PLCE1: variants seen among roughly 807,000 people sequenced by gnomAD.
PLCE1 encodes 1-phosphatidylinositol 4,5-bisphosphate phosphodiesterase epsilon-1.
PLCE1 carries 119 observed loss-of-function variants against 242.8 expected under a neutral mutation model. That is an observed-to-expected ratio of 0.49 (90% CI 0.42 to 0.57). PLCE1 has a LOEUF of 0.57. Among genes scored for constraint, PLCE1 ranks in the 20% least tolerant of loss-of-function variants. The pLI, the probability that PLCE1 is intolerant of heterozygous loss-of-function variation, is 0.00. For synonymous variants in PLCE1, 945 were observed against 1,017.4 expected (o/e 0.93, Z 1.35); for missense variants, 2,441 against 2,788.8 (o/e 0.88, Z 2.81).
chr10:94,232,153 A>G (rs1298557431), intron 5 of PLCE1, among the ~76,000 whole-genome samples: 2 of 152,198 alleles, frequency 1.3e-5, no homozygotes, highest in Non-Finnish European at 2.9e-5. Context: ...TTGGAGGAAT[A>G]CACTAGGGCC....
At chr10:94,178,509 C>T (rs1381092815) in intron 4 of PLCE1, among the ~76,000 whole-genome samples, 9 of 152,202 alleles carry the variant, frequency 5.9e-5, no homozygotes, top group African/African-American at 2.2e-4. Flanking sequence ...TCAGTTGTTG[C>T]TTGTTCCTTC....
intron 2 of PLCE1, among the ~76,000 whole-genome samples, chr10:94,107,408 G>A (rs2045789935): frequency 6.6e-6 from 1 of 152,132 alleles, no homozygotes; most frequent in African/African-American, 2.4e-5. Context: ...AAACAGATTA[G>A]GAATGGTCTG....
intron 2 of PLCE1, among the ~76,000 whole-genome samples, chr10:94,088,398 A>G (rs1188581050): frequency 6.6e-6 from 1 of 152,232 alleles, no homozygotes; most frequent in East Asian, 1.9e-4. Flanking sequence ...CTCTCTTCCA[A>G]GCAGGTGCTG....
intron 1 of PLCE1, among the ~76,000 whole-genome samples, chr10:94,017,812 G>A (rs2061308425): frequency 1.3e-5 from 2 of 152,120 alleles, no homozygotes; most frequent in African/African-American, 4.8e-5. Flanking sequence ...TAAAATGTAG[G>A]CTAGACATCA....
intron 3 of PLCE1, among the ~76,000 whole-genome samples, chr10:94,153,608 T>G (rs903451433): frequency 6.6e-6 from 1 of 152,158 alleles, no homozygotes; most frequent in African/African-American, 2.4e-5. Flanking sequence ...ACTATTTCTA[T>G]TATCAGATGA....
intron 1 of PLCE1, among the ~76,000 whole-genome samples, chr10:94,013,674 G>T (rs553315897): frequency 1.3e-5 from 2 of 152,192 alleles, no homozygotes; most frequent in Non-Finnish European, 2.9e-5. Flanking sequence ...AGGCAAACAA[G>T]TTACTAGTGT....
Position 94,306,268 on chromosome 10 carries a change from C to A in PLCE1, c.5623-159C>A, listed in dbSNP as rs892928826. Among the ~76,000 whole-genome samples the A allele has an allele frequency of 6.6e-6, 1 of 152,220 alleles. No individual in the cohort carries two copies. Reference sequence around the variant, plus strand: ...TACAGGCATAAGCCACCGCGCCCAGCCCTACAATCACTTACTTTTTAAACA... The same window carrying A: ...TACAGGCATAAGCCACCGCGCCCAGACCTACAATCACTTACTTTTTAAACA... On this transcript the variant is annotated intron_variant, in intron 25 of 32. Coordinates refer to ENST00000371380, the MANE Select transcript of PLCE1 (RefSeq NM_016341.4). This position sits in a 1 kb window ranked among gnomAD's most constrained non-coding sequence, Gnocchi z 5.7.
chr10:94,291,826 A>C (rs1406464107), intron 22 of PLCE1, among the ~76,000 whole-genome samples: 4 of 152,088 alleles, frequency 2.6e-5, no homozygotes, highest in Non-Finnish European at 5.9e-5. Context: ...GGGGTAGATG[A>C]AGGTTCTTTG....
intron 3 of PLCE1, among the ~76,000 whole-genome samples, chr10:94,158,858 T>C (rs58815299): frequency 1.7e-4 from 25 of 143,364 alleles, no homozygotes; most frequent in African/African-American, 3.0e-4. Context: ...CTTTTTCTTT[T>C]TTTTTTTTTT....
At chr10:94,232,261 T>C (rs1278679158) in intron 5 of PLCE1, among the ~76,000 whole-genome samples, 1 of 152,332 alleles carries the variant, frequency 6.6e-6, no homozygotes, top group Admixed American at 6.5e-5. Flanking sequence ...GTCTTATATA[T>C]TACACAGTGA....
At chr10:94,054,484 T>C (rs928542843) in intron 2 of PLCE1, among the ~76,000 whole-genome samples, 1 of 152,160 alleles carries the variant, frequency 6.6e-6, no homozygotes, top group Non-Finnish European at 1.5e-5. Flanking sequence ...TCTGGAATAG[T>C]TGGAGGGCAA....
At chr10:94,326,987 C>T (rs1188595366) in intron 32 of PLCE1, among the ~76,000 whole-genome samples, 5 of 151,910 alleles carry the variant, frequency 3.3e-5, no homozygotes, top group Admixed American at 6.6e-5. Context: ...GGTGAAACCC[C>T]GTCTCTACTA....
At chr10:94,249,030 C>T (rs2050783771) in intron 8 of PLCE1, among the ~76,000 whole-genome samples, 1 of 152,144 alleles carries the variant, frequency 6.6e-6, no homozygotes, top group Non-Finnish European at 1.5e-5. Flanking sequence ...TCCTACCCAG[C>T]TGCAAACACA....
At chr10:94,012,843 C>G (rs2061196563) in intron 1 of PLCE1, among the ~76,000 whole-genome samples, 1 of 152,182 alleles carries the variant, frequency 6.6e-6, no homozygotes, top group African/African-American at 2.4e-5. Flanking sequence ...ACTCACTCTT[C>G]CCCAACCCCT....
At chr10:94,264,607 C>T (rs1164175280) in intron 14 of PLCE1, among the ~76,000 whole-genome samples, 4 of 149,562 alleles carry the variant, frequency 2.7e-5, no homozygotes, top group East Asian at 3.9e-4. Flanking sequence ...CTGCAACCTC[C>T]GCCTCCCAGG....
At chr10:94,304,014 A>C (rs911384786) in intron 24 of PLCE1, among the ~76,000 whole-genome samples, 2 of 152,218 alleles carry the variant, frequency 1.3e-5, no homozygotes, top group African/African-American at 4.8e-5. Context: ...AGGGGAAAAA[A>C]AAAGAAAAAG....
intron 2 of PLCE1, among the ~76,000 whole-genome samples, chr10:94,123,730 G>A (rs1404507539): frequency 1.3e-5 from 2 of 152,190 alleles, no homozygotes; most frequent in Non-Finnish European, 2.9e-5. Context: ...AACACTGCTT[G>A]TAGATTCCAA....
At chr10:94,008,417 T>TTCTG (rs1372599258) in intron 1 of PLCE1, among the ~76,000 whole-genome samples, 1 of 152,110 alleles carries the variant, frequency 6.6e-6, no homozygotes, top group East Asian at 1.9e-4. Context: ...CAAGCTATTC[T>TTCTG]TCTGCCTTAG....
chr10:94,038,917 C>T (rs952207671), intron 2 of PLCE1, among the ~76,000 whole-genome samples: 1 of 152,196 alleles, frequency 6.6e-6, no homozygotes, highest in Admixed American at 6.5e-5. Flanking sequence ...CCCTAAGGAA[C>T]CACTAATCCA....
Sources: allele counts gnomAD v4.1 joint callset (sites outside exome capture counted in the v4.1 genomes callset), GRCh38; gene constraint gnomAD v4.1.1; non-coding constraint Gnocchi (gnomAD v3.1); transcripts MANE v1.5; gene names NCBI Gene and HGNC (gene_info 2026-07-23, HGNC 2026-07-21).